MYH16: variants seen among roughly 807,000 people sequenced by gnomAD.
MYH16 encodes the protein putative uncharacterized protein MYH16.
intron 1 of MYH16, among the ~76,000 whole-genome samples, chr7:99,240,886 A>C (rs1791659164): frequency 6.6e-6 from 1 of 151,994 alleles, no homozygotes; most frequent in African/African-American, 2.4e-5. Context: ...AGAACTGGCA[A>C]CAGCTGTATT....
exon 40 of MYH16, chr7:99,304,663 G>A (rs1430209983): frequency 1.3e-5 from 2 of 152,862 alleles, no homozygotes; most frequent in Non-Finnish European, 2.9e-5. Flanking sequence ...AGAACTACGA[G>A]GTCACCATCA....
intron 18 of MYH16, among the ~76,000 whole-genome samples, chr7:99,269,155 C>G (rs1792019828): frequency 6.6e-6 from 1 of 152,188 alleles, no homozygotes; most frequent in Non-Finnish European, 1.5e-5. Context: ...AATAATAAAG[C>G]CAGCACCCTG....
chr7:99,239,276 A>G (rs1010025629), intron 1 of MYH16, among the ~76,000 whole-genome samples: 5 of 152,250 alleles, frequency 3.3e-5, no homozygotes, highest in Admixed American at 1.3e-4. Flanking sequence ...AGCACTTCAT[A>G]GACTCTAAGA....
chr7:99,275,822 C>A (rs1584348480), intron 20 of MYH16, among the ~76,000 whole-genome samples: 1 of 152,234 alleles, frequency 6.6e-6, no homozygotes, highest in African/African-American at 2.4e-5. Context: ...ACCTCCGCCT[C>A]CCGGATTCAA....
At chr7:99,273,663 G>A (rs1562779210) in intron 20 of MYH16, among the ~76,000 whole-genome samples, 2 of 152,164 alleles carry the variant, frequency 1.3e-5, no homozygotes, top group South Asian at 2.1e-4. Context: ...GGAGGCTGAG[G>A]CAGGAGGATT....
At chr7:99,287,985 C>G (rs1253535217) in exon 29 of MYH16, 1 of 456,678 alleles carries the variant, frequency 2.2e-6, no homozygotes, top group Non-Finnish European at 4.4e-6. Flanking sequence ...GGCCTCCACA[C>G]TGCGCAAGAA....
intron 9 of MYH16, among the ~76,000 whole-genome samples, chr7:99,256,812 G>T (rs954036229): frequency 2.0e-5 from 3 of 151,706 alleles, no homozygotes; most frequent in African/African-American, 7.3e-5. Context: ...TTAGCCAGGT[G>T]TGGTGGCACG....
chr7:99,305,022 T>TAA (rs199553867), intron 40 of MYH16, among the ~76,000 whole-genome samples: 1 of 149,270 alleles, frequency 6.7e-6, no homozygotes, highest in African/African-American at 2.5e-5. Context: ...CTCCATCTCT[T>TAA]AAAAAAAAAA....
intron 23 of MYH16, among the ~76,000 whole-genome samples, chr7:99,282,421 G>T (rs961955320): frequency 3.3e-5 from 5 of 152,052 alleles, no homozygotes; most frequent in African/African-American, 1.2e-4. Flanking sequence ...TGCTCCTAGG[G>T]AAAATATAGG....
chr7:99,291,334 G>C (rs1383209843), exon 31 of MYH16: 1 of 456,074 alleles, frequency 2.2e-6, no homozygotes, highest in East Asian at 7.0e-5. Context: ...TGAAAATAGT[G>C]AACTGAGCAG....
chr7:99,302,317 T>TATATAC (rs1184408879), intron 38 of MYH16, among the ~76,000 whole-genome samples: 1,855 of 95,558 alleles, frequency 0.019, 170 homozygotes, highest in African/African-American at 0.076. Flanking sequence ...AAAAAATATA[T>TATATAC]ACACACACAC....
intron 19 of MYH16, among the ~76,000 whole-genome samples, chr7:99,272,121 AGGTATT>A (rs111755178): frequency 5.9e-5 from 9 of 152,280 alleles, no homozygotes; most frequent in African/African-American, 2.2e-4. Context: ...TTCCCTTCCT[AGGTATT>A]GGGTGTTAGG....
chr7:99,260,356 G>A (rs539465176), intron 12 of MYH16: 187 of 1,145,036 alleles, frequency 1.6e-4, no homozygotes, highest in Non-Finnish European at 1.8e-4. Flanking sequence ...CTCAAAGGAG[G>A]GATTGGAGAG....
At chr7:99,283,302 C>T (rs766897701) in intron 23 of MYH16, among the ~76,000 whole-genome samples, 24 of 152,078 alleles carry the variant, frequency 1.6e-4, no homozygotes, top group African/African-American at 5.8e-4. Context: ...CACCCAGGCT[C>T]GGGTGCAGTG....
At chr7:99,273,498 G>A in intron 20 of MYH16, 75 bp downstream of exon 2, 2 of 450,220 alleles carry the variant, frequency 4.4e-6, no homozygotes, top group Admixed American at 2.4e-5. Flanking sequence ...CCTGGACAGA[G>A]ATGCCCCTCG....
At chr7:99,242,112 C>T (rs1011983738) in intron 1 of MYH16, among the ~76,000 whole-genome samples, 25 of 152,254 alleles carry the variant, frequency 1.6e-4, no homozygotes, top group Non-Finnish European at 1.2e-4. Flanking sequence ...CCACCCACCT[C>T]GGCCTCCCAA....
chr7:99,245,731 T>G (rs1009590627), intron 2 of MYH16, among the ~76,000 whole-genome samples: 1 of 152,134 alleles, frequency 6.6e-6, no homozygotes, highest in Admixed American at 6.6e-5. Flanking sequence ...TTTCACCATG[T>G]TGGTCACGCT....
intron 17 of MYH16, among the ~76,000 whole-genome samples, chr7:99,266,365 C>T (rs1791987013): frequency 6.6e-6 from 1 of 152,106 alleles, no homozygotes; most frequent in South Asian, 2.1e-4. Flanking sequence ...AACTAATACC[C>T]CCACCTTAGA....
At chr7:99,295,397 G>A (rs1397129468) in intron 33 of MYH16, among the ~76,000 whole-genome samples, 1 of 151,634 alleles carries the variant, frequency 6.6e-6, no homozygotes, top group African/African-American at 2.4e-5. Flanking sequence ...AGAAAAGAAA[G>A]TTACATGATG....
Sources: allele counts gnomAD v4.1 joint callset (sites outside exome capture counted in the v4.1 genomes callset), GRCh38; gene constraint gnomAD v4.1.1; transcripts MANE v1.5; gene names NCBI Gene and HGNC (gene_info 2026-07-23, HGNC 2026-07-21).